Variants in SEMA6A observed in about 807,000 individuals in gnomAD.
SEMA6A encodes the protein semaphorin-6A.
In SEMA6A, 25 loss-of-function variants were observed where a neutral mutation model predicts 96.8. The observed-to-expected ratio is 0.26, with a 90% confidence interval of 0.19 to 0.36. The LOEUF (loss-of-function observed/expected upper bound fraction) is 0.36, where lower values mean the gene tolerates loss of function less well. Ranked by LOEUF, SEMA6A falls within the 10% of genes least tolerant of loss-of-function variation. The probability of loss-of-function intolerance (pLI) is 1.00; values close to 1 mark genes in which losing one functional copy is unlikely to be tolerated. For missense variants in SEMA6A, 1,363 were observed against 1,323.1 expected (o/e 1.03, Z -0.47); for synonymous variants, 612 against 518.0 (o/e 1.18, Z -2.46).
intron 1 of SEMA6A, among the ~76,000 whole-genome samples, chr5:116,547,391 G>C (rs945741181): frequency 2.0e-5 from 3 of 152,078 alleles, no homozygotes; most frequent in African/African-American, 7.2e-5. Context: ...TCTTTTTAAA[G>C]ATTCAAACAT....
At chr5:116,451,203 A>G (rs1317163378) in intron 18 of SEMA6A, among the ~76,000 whole-genome samples, 1 of 152,208 alleles carries the variant, frequency 6.6e-6, no homozygotes, top group Non-Finnish European at 1.5e-5. Flanking sequence ...CAAAGGAAAT[A>G]AAAAATAGGA....
At chr5:116,560,020 G>C (rs1240443165) in intron 1 of SEMA6A, among the ~76,000 whole-genome samples, 1 of 151,982 alleles carries the variant, frequency 6.6e-6, no homozygotes, top group Non-Finnish European at 1.5e-5. Flanking sequence ...ACATCACCTT[G>C]TCCCTGTGCG....
At chr5:116,535,604 A>T (rs980049343) in intron 1 of SEMA6A, among the ~76,000 whole-genome samples, 4 of 152,174 alleles carry the variant, frequency 2.6e-5, no homozygotes, top group Admixed American at 2.6e-4. Flanking sequence ...TTTATAATAG[A>T]TGTCCTACTA....
At chr5:116,544,579 A>AT in intron 1 of SEMA6A, among the ~76,000 whole-genome samples, 1 of 152,250 alleles carries the variant, frequency 6.6e-6, no homozygotes, top group African/African-American at 2.4e-5. Context: ...GATTACAGGC[A>AT]TGAGCCATTG....
chr5:116,484,066 GAAAAAAAAAAAAA>G (rs542325007), intron 10 of SEMA6A, among the ~76,000 whole-genome samples: 1 of 99,926 alleles, frequency 1.0e-5, no homozygotes, highest in Admixed American at 1.1e-4. Context: ...TCTGTCTGAA[GAAAAAAAAAAAAA>G]AAAAAAAGAC....
At chr5:116,479,291 G>T (rs1391040472) in intron 12 of SEMA6A, among the ~76,000 whole-genome samples, 1 of 152,140 alleles carries the variant, frequency 6.6e-6, no homozygotes, top group Non-Finnish European at 1.5e-5. Flanking sequence ...GCATACCTGG[G>T]ATAAGTCCTA....
chr5:116,453,999 A>G (rs1754821352), intron 18 of SEMA6A, among the ~76,000 whole-genome samples: 1 of 152,208 alleles, frequency 6.6e-6, no homozygotes, highest in African/African-American at 2.4e-5. Context: ...ACAGGCAACC[A>G]GTAACCTAAC....
intron 1 of SEMA6A, among the ~76,000 whole-genome samples, chr5:116,509,889 T>C (rs7721479): frequency 0.48 from 73,667 of 151,896 alleles, 20,450 homozygotes; most frequent in African/African-American, 0.77. Flanking sequence ...TTCTATGCAG[T>C]GGGGCAAGTG....
At position 116,574,781 on chromosome 5, in the gene SEMA6A, G is replaced by C. The variant is rs1761401045; in HGVS notation, c.-635C>G. On this transcript the variant is annotated 5_prime_UTR_variant, in exon 1 of 19. Coordinates refer to ENST00000343348, the MANE Select transcript of SEMA6A (RefSeq NM_020796.5). Reference sequence around the variant, plus strand: ...CTGGGCAGCCGAGTGCGCGGGGAGCGGAGTTGGCTGCAGCCTCACCCCGTG... The same window carrying C: ...CTGGGCAGCCGAGTGCGCGGGGAGCCGAGTTGGCTGCAGCCTCACCCCGTG... 6.6e-6 allele frequency: 1 copy of C among 152,446 alleles called. No individual in the cohort carries two copies. The highest frequency in any genetic ancestry group is 1.5e-5 in the Non-Finnish European group (1 of 68,154). 9.4% of individuals were successfully genotyped at this position (152,446 alleles called of 1,614,324 possible).
Position 116,505,421 on chromosome 5 carries a change from A to G in SEMA6A, c.-38-439T>C, listed in dbSNP as rs1337191036. On this transcript the variant is annotated intron_variant, in intron 1 of 18. Transcript: ENST00000343348. Reference sequence around the variant, plus strand: ...ACCTAAATGACAGTTTCCCTTTGGCACCACTTCCAACACACAGGTACACAG... The same window carrying G: ...ACCTAAATGACAGTTTCCCTTTGGCGCCACTTCCAACACACAGGTACACAG... Among the ~76,000 whole-genome samples the G allele has an allele frequency of 2.0e-5, 3 of 150,984 alleles. No homozygotes were observed. In the Admixed American group the frequency reaches 2.0e-4, roughly 10 times the overall value.
chr5:116,560,553 T>C (rs1760781226), intron 1 of SEMA6A, among the ~76,000 whole-genome samples: 1 of 151,838 alleles, frequency 6.6e-6, no homozygotes, highest in Admixed American at 6.6e-5. Context: ...ATTTCATTCC[T>C]TGCTAAAAAC....
chr5:116,469,385 AAAT>A (rs1177988371), intron 17 of SEMA6A: 2 of 152,222 alleles, frequency 1.3e-5, no homozygotes, highest in Non-Finnish European at 2.9e-5. Flanking sequence ...TCAGCCTGAG[AAAT>A]GGAAATATAG....
intron 18 of SEMA6A, among the ~76,000 whole-genome samples, chr5:116,459,137 G>A (rs1755209609): frequency 6.6e-6 from 1 of 152,120 alleles, no homozygotes; most frequent in African/African-American, 2.4e-5. Context: ...TAACTAAAGA[G>A]AGGAAGAAGT....
chr5:116,502,973 TAGCCAG>T (rs1757959183), intron 2 of SEMA6A, among the ~76,000 whole-genome samples: 1 of 152,230 alleles, frequency 6.6e-6, no homozygotes. Context: ...AAACTGAGTG[TAGCCAG>T]TCAGGTGATC....
intron 18 of SEMA6A, among the ~76,000 whole-genome samples, chr5:116,463,335 C>G (rs1213899472): frequency 6.6e-6 from 1 of 152,066 alleles, no homozygotes; most frequent in Non-Finnish European, 1.5e-5. Flanking sequence ...TCATCTCCCT[C>G]GGAGGAAATA....
intron 1 of SEMA6A, among the ~76,000 whole-genome samples, chr5:116,520,271 T>C (rs965070645): frequency 2.7e-5 from 4 of 148,748 alleles, no homozygotes; most frequent in African/African-American, 1.0e-4. Context: ...TTTTTTTTTT[T>C]CATCACTTTA....
chr5:116,500,858 T>A (rs1757843925), intron 3 of SEMA6A, among the ~76,000 whole-genome samples: 1 of 152,006 alleles, frequency 6.6e-6, no homozygotes, highest in African/African-American at 2.4e-5. Context: ...ATACAAAAAT[T>A]AGCTGGGCGT....
chr5:116,461,703 C>G (rs1168238736), intron 18 of SEMA6A, among the ~76,000 whole-genome samples: 4 of 152,042 alleles, frequency 2.6e-5, no homozygotes, highest in Admixed American at 2.6e-4. Flanking sequence ...CTTTACTTGT[C>G]TAATATATTT....
chr5:116,500,467 G>C (rs1757822481), intron 3 of SEMA6A, among the ~76,000 whole-genome samples: 1 of 152,178 alleles, frequency 6.6e-6, no homozygotes, highest in Admixed American at 6.5e-5. Flanking sequence ...CTATGTTTGT[G>C]AATTGTATGT....
Sources: gnomAD v4.1 joint callset for allele counts (sites outside exome capture counted in the v4.1 genomes callset) on GRCh38, gnomAD v4.1.1 for gene constraint, MANE v1.5 for transcripts, NCBI Gene and HGNC (gene_info 2026-07-23, HGNC 2026-07-21) for gene names.